The following COQ6 variants were observed in gnomAD, a reference collection of about 807,000 sequenced individuals.
The protein encoded by COQ6 is coenzyme Q6, monooxygenase.
Under a neutral mutation model 55.5 loss-of-function variants are expected in COQ6, and 45 were observed. The observed-to-expected ratio is 0.81, with a 90% CI of 0.64 to 1.04. The LOEUF is 1.04. Among genes scored for constraint, COQ6 ranks in the 50% least tolerant of loss-of-function variants. COQ6 has a pLI of 0.00. For missense variants in COQ6, 550 were observed against 601.3 expected, an observed-to-expected ratio of 0.91 and a Z score of 0.89; for synonymous variants, 206 against 230.5, an observed-to-expected ratio of 0.89 and a Z score of 0.96.
intron 8 of COQ6, chr14:73,960,428 G>T: frequency 1.0e-6 from 1 of 988,554 alleles, no homozygotes; most frequent in Non-Finnish European, 1.2e-6. Flanking sequence ...GACACTCAAA[G>T]CCTGCTACCT....
chr14:73,955,668 C>G (rs2056398741), intron 3 of COQ6, 137 bp from the exon 4 acceptor site: 1 of 1,459,744 alleles, frequency 6.9e-7, no homozygotes, highest in African/African-American at 1.4e-5. Context: ...GAATTTTCTT[C>G]TCATTTTATA....
chr14:73,950,064 T>C (rs200096368), upstream of COQ6: 8 of 1,609,238 alleles, frequency 5.0e-6, no homozygotes, highest in African/African-American at 2.7e-5. Flanking sequence ...GTGACAGCGA[T>C]AGTGGCAGCA....
chr14:73,957,399 C>CA (rs2056489526), intron 4 of COQ6, among the ~76,000 whole-genome samples: 1 of 152,146 alleles, frequency 6.6e-6, no homozygotes, highest in South Asian at 2.1e-4. Context: ...TTATTTAAAT[C>CA]GCTTTGTTGA....
At chr14:73,961,934 A>G (rs1158979004) in intron 11 of COQ6, 31 bp downstream of exon 11, 4 of 1,612,772 alleles carry the variant, frequency 2.5e-6, no homozygotes, top group Non-Finnish European at 3.4e-6. Flanking sequence ...ATGACTTTGC[A>G]AACAGCTCTT....
chr14:73,962,047 A>C (rs1033767289), intron 11 of COQ6, 144 bp downstream of exon 11: 1 of 961,272 alleles, frequency 1.0e-6, no homozygotes, highest in Non-Finnish European at 1.6e-6. Context: ...TCCCAGGTTC[A>C]AGTGATTATC....
chr14:73,950,186 T>C, upstream of COQ6: 1 of 1,560,756 alleles, frequency 6.4e-7, no homozygotes, highest in Non-Finnish European at 8.6e-7. Flanking sequence ...GCAAGGTTCG[T>C]TTTCCGATTG....
In COQ6 at chr14:73,959,093, T is replaced by C. The variant is rs1269096464; in HGVS notation, c.720+15T>C. ...ATTTATCAGAGGTAAGATCCTGAGC[T>C]GCCATCTGGGGACTTTATTCATAGG... On this transcript the variant is annotated intron_variant, in intron 6 of 11. Transcript: ENST00000334571. The C allele has an allele frequency of 1.2e-6, 2 of 1,614,178 alleles. No individual in the cohort carries two copies. Among genetic ancestry groups the C allele is most frequent in the Non-Finnish European group, 1.7e-6 (2 of 1,180,020 alleles).
chr14:73,951,146 G>A (rs1482614990), intron 1 of COQ6, among the ~76,000 whole-genome samples: 1 of 152,062 alleles, frequency 6.6e-6, no homozygotes, highest in South Asian at 2.1e-4. Flanking sequence ...GCAGGAATGC[G>A]CCACCACTCG....
intron 5 of COQ6, chr14:73,958,670 C>G: frequency 1.5e-6 from 2 of 1,321,384 alleles, no homozygotes; most frequent in Non-Finnish European, 1.9e-6. Context: ...TATTCAGCTC[C>G]AGTGTGTGCC....
At position 73,958,182 on chromosome 14, in the gene COQ6, C is replaced by T. The variant is rs368464022; in HGVS notation, c.517C>T (p.Arg173Cys). 2.1e-5 allele frequency: 34 copies of T among 1,613,934 alleles called. No individual in the cohort carries two copies. Among genetic ancestry groups the T allele is most frequent in the South Asian group, 3.3e-5 (3 of 91,080 alleles). The change falls in exon 5 of 12, where the codon CGC becomes TGC. Residue 173 changes from arginine (R) to cysteine (C), a missense_variant. Transcript: ENST00000334571. ...GGTTCTCTACAGGAGCAAAGCCATT[C>T]GCTATACCTGGCCTTGTCCATTTCC... Reference protein sequence around the residue: ...VTVLYRSKAIRYTWPCPFPMA... With the variant: ...VTVLYRSKAICYTWPCPFPMA...
intron 11 of COQ6, 65 bp from the exon 12 acceptor site, chr14:73,962,905 C>T: frequency 7.6e-7 from 1 of 1,314,794 alleles, no homozygotes; most frequent in Non-Finnish European, 1.1e-6. Context: ...TGATTATTAT[C>T]TACAATAATT....
At chr14:73,958,757 C>A in intron 5 of COQ6, 1 of 1,456,746 alleles carries the variant, frequency 6.9e-7, no homozygotes, top group Admixed American at 2.3e-5. Context: ...ATGGCTGGCA[C>A]CTGTTCAGTC....
intron 1 of COQ6, among the ~76,000 whole-genome samples, chr14:73,952,838 G>A (rs1252089168): frequency 6.6e-6 from 1 of 151,960 alleles, no homozygotes; most frequent in Non-Finnish European, 1.5e-5. Context: ...ATCACACCTG[G>A]CTAATTTTTT....
chr14:73,950,708 T>A, intron 1 of COQ6: 1 of 669,292 alleles, frequency 1.5e-6, no homozygotes, highest in Non-Finnish European at 2.5e-6. Flanking sequence ...GTTCAGAGTC[T>A]GTTCTACTCA....
At chr14:73,957,390 TA>T (rs894496986) in intron 4 of COQ6, among the ~76,000 whole-genome samples, 11 of 152,344 alleles carry the variant, frequency 7.2e-5, no homozygotes, top group Non-Finnish European at 8.8e-5. Context: ...GGCCCTCTAT[TA>T]TTTAAATCGC....
upstream of COQ6, chr14:73,950,008 C>T (rs2056123356): frequency 6.2e-7 from 1 of 1,613,114 alleles, no homozygotes; most frequent in Non-Finnish European, 8.5e-7. Context: ...GGGGCTCCCT[C>T]AGGCCTCCCC....
chr14:73,955,261 G>T (rs1488993763), intron 2 of COQ6, 190 bp from the exon 3 acceptor site: 1 of 641,944 alleles, frequency 1.6e-6, no homozygotes, highest in Non-Finnish European at 2.8e-6. Flanking sequence ...CAGAAGCTGG[G>T]TCTTTTTTCA....
chr14:73,953,399 AT>A, intron 1 of COQ6, 35 bp from the exon 2 acceptor site: 1 of 1,567,836 alleles, frequency 6.4e-7, no homozygotes, highest in Non-Finnish European at 8.8e-7. Context: ...GAAATTCTTG[AT>A]TTTCCTAAGA....
intron 7 of COQ6, 50 bp downstream of exon 7, chr14:73,959,274 C>T (rs576411727): frequency 6.2e-7 from 1 of 1,614,228 alleles, no homozygotes; most frequent in Admixed American, 1.7e-5. Context: ...AGCCTTTCCT[C>T]TTCACTTTCT....
Sources: gnomAD v4.1 joint callset for allele counts (sites outside exome capture counted in the v4.1 genomes callset) on GRCh38, gnomAD v4.1.1 for gene constraint, MANE v1.5 for transcripts, NCBI Gene and HGNC (gene_info 2026-07-23, HGNC 2026-07-21) for gene names.